DNAH8: variants seen among roughly 807,000 people sequenced by gnomAD.
DNAH8 encodes axonemal beta dynein heavy chain 8.
DNAH8 carries 382 observed loss-of-function variants against 562.1 expected under a neutral mutation model. The observed-to-expected ratio is 0.68, with a 90% CI of 0.63 to 0.74. The LOEUF is 0.74. Ranked by LOEUF, DNAH8 falls within the 30% of genes least tolerant of loss-of-function variation. DNAH8 has a pLI of 0.00. For synonymous variants in DNAH8, 1,881 were observed against 1,919.4 expected (o/e 0.98, Z 0.52); for missense variants, 5,203 against 5,620.4 (o/e 0.93, Z 2.37).
intron 37 of DNAH8, 45 bp downstream of exon 37, chr6:38,848,846 G>A: frequency 6.3e-7 from 1 of 1,584,244 alleles, no homozygotes. Context: ...TTTGGTGTAT[G>A]TTGTCTATAT....
chr6:38,920,238 C>G (rs1781602255), intron 70 of DNAH8, among the ~76,000 whole-genome samples: 1 of 152,106 alleles, frequency 6.6e-6, no homozygotes, highest in African/African-American at 2.4e-5. Context: ...CTCAGCCTCC[C>G]AAACTGCTCC....
intron 81 of DNAH8, among the ~76,000 whole-genome samples, chr6:38,950,104 G>T (rs895368956): frequency 4.6e-5 from 7 of 151,834 alleles, no homozygotes; most frequent in Non-Finnish European, 8.8e-5. Flanking sequence ...GAAGAAAATC[G>T]CCCTCTCTTT....
At position 38,872,923 on chromosome 6, in the gene DNAH8, A is replaced by AT. The variant is rs780369811; in HGVS notation, c.7259dup (p.Leu2420PhefsTer11). 5 of 1,613,488 alleles carry AT rather than the reference A, an allele frequency of 3.1e-6. No homozygotes were observed. Among genetic ancestry groups the AT allele is most frequent in the East Asian group, 2.2e-5 (1 of 44,860 alleles). ...ATTTTCAGGTGAAAACATTTTCCTC[A>AT]TTTTAGATGGTCCTGTGGATGCCAT... On this transcript the variant is annotated frameshift_variant, in exon 51 of 93. Transcript: ENST00000327475. LOFTEE classifies it high-confidence loss of function.
chr6:38,842,379 A>T lies in DNAH8; in HGVS notation c.4478A>T (p.Asn1493Ile), dbSNP rs1432294775. Residue 1493 changes from asparagine to isoleucine, a missense_variant, in exon 34 of 93, where the codon AAC (asparagine) becomes ATC (isoleucine). Coordinates refer to ENST00000327475, the MANE Select transcript of DNAH8 (RefSeq NM_001206927.2). ...ACTTTGTTTCCCAGAAAAGAACTCA[A>T]CTTGCTGCAGAAGCTGTATGGATTG... ...EVLHKTRKEL[N>I]LLQKLYGLYD... The T allele has an allele frequency of 1.2e-6, 2 of 1,602,490 alleles. No homozygotes were observed. The highest frequency in any genetic ancestry group is 1.7e-6 in the Non-Finnish European group (2 of 1,176,222).
chr6:38,883,524 G>A lies in DNAH8; in HGVS notation c.8136+68G>A, dbSNP rs1181264555. 3.5e-6 allele frequency: 5 copies of A among 1,446,242 alleles called. No individual in the cohort carries two copies. In the African/African-American group the frequency reaches 4.3e-5, roughly 12 times the overall value. 89.6% of individuals were successfully genotyped at this position (1,446,242 alleles called of 1,614,324 possible). On this transcript the variant is annotated intron_variant, in intron 55 of 92. Coordinates refer to ENST00000327475, the MANE Select transcript of DNAH8 (RefSeq NM_001206927.2). ...TTTAAATTAGTGGTTACAATAAAAT[G>A]TGTACGCATATAAAATGTGAAAATA...
intron 29 of DNAH8, among the ~76,000 whole-genome samples, chr6:38,827,739 T>A (rs1366730297): frequency 3.7e-5 from 2 of 54,366 alleles, no homozygotes; most frequent in African/African-American, 1.6e-4. Flanking sequence ...CAAACTTTTT[T>A]TTTTTTTTTT....
chr6:38,720,266 A>G (rs747388193), intron 1 of DNAH8, among the ~76,000 whole-genome samples: 5 of 152,332 alleles, frequency 3.3e-5, no homozygotes, highest in Admixed American at 6.5e-5. Context: ...GAGGACAGCC[A>G]GAGATGAAGG....
intron 78 of DNAH8, 69 bp from the exon 79 acceptor site, chr6:38,938,729 C>A (rs1483040530): frequency 9.1e-7 from 1 of 1,104,504 alleles, no homozygotes; most frequent in South Asian, 1.5e-5. Flanking sequence ...CATGTGTACC[C>A]CTGAACTTGA....
chr6:38,996,615 C>A (rs937579535), intron 88 of DNAH8, among the ~76,000 whole-genome samples: 1 of 152,168 alleles, frequency 6.6e-6, no homozygotes. Context: ...GTGGGTAAGT[C>A]CAGGTGTGTG....
Position 38,790,153 on chromosome 6 carries a change from A to G in DNAH8, c.2665-136A>G, listed in dbSNP as rs1407298675. ...CAAAGATGGTTAAAAATAAAAAGTC[A>G]TCTTTATTAGGTGTAATAGAGGGAA... On this transcript the variant is annotated intron_variant, in intron 19 of 92. Coordinates refer to ENST00000327475, the MANE Select transcript of DNAH8 (RefSeq NM_001206927.2). 4 of 702,360 alleles carry G rather than the reference A, an allele frequency of 5.7e-6. No individual in the cohort carries two copies. The Admixed American group carries it at 1.1e-4, about 19-fold the overall frequency. 43.5% of individuals were successfully genotyped at this position (702,360 alleles called of 1,614,324 possible).
intron 5 of DNAH8, 73 bp from the exon 6 acceptor site, chr6:38,736,994 A>G: frequency 1.8e-6 from 2 of 1,103,906 alleles, no homozygotes; most frequent in Non-Finnish European, 2.5e-6. Flanking sequence ...ATTGCAATAT[A>G]AAACAGGTTA....
In DNAH8 at chr6:38,850,592, T is replaced by A. The variant is rs560719903; in HGVS notation, c.5363+178T>A. 8.5e-5 allele frequency among the ~76,000 whole-genome samples: 13 copies of A among 152,312 alleles called. No individual in the cohort carries two copies. The East Asian group carries it at 1.9e-3, about 23-fold the overall frequency. Reference sequence around the variant, plus strand: ...GAAGACACCTTTGACTTGGGGGTGGTTAAGGCATTGTATTAGTTTCGTCAG... The same window carrying A: ...GAAGACACCTTTGACTTGGGGGTGGATAAGGCATTGTATTAGTTTCGTCAG... On this transcript the variant is annotated intron_variant, in intron 38 of 92. Coordinates refer to ENST00000327475, the MANE Select transcript of DNAH8 (RefSeq NM_001206927.2).
chr6:38,853,459 T>C, intron 41 of DNAH8, 112 bp downstream of exon 41: 1 of 1,194,414 alleles, frequency 8.4e-7, no homozygotes, highest in Non-Finnish European at 1.2e-6. Context: ...TTGAATTAGG[T>C]TAGAGTGGCC....
intron 21 of DNAH8, among the ~76,000 whole-genome samples, chr6:38,801,318 TATATG>T (rs2127672856): frequency 6.6e-6 from 1 of 152,340 alleles, no homozygotes; most frequent in East Asian, 1.9e-4. Context: ...ACTTTACTAT[TATATG>T]GTATTGGAAA....
intron 92 of DNAH8, among the ~76,000 whole-genome samples, chr6:39,027,530 T>G (rs1767376575): frequency 6.6e-6 from 1 of 152,250 alleles, no homozygotes; most frequent in African/African-American, 2.4e-5. Context: ...TAATTCAACC[T>G]TATTAAAGGA....
intron 7 of DNAH8, among the ~76,000 whole-genome samples, chr6:38,739,077 C>T (rs1298423293): frequency 6.6e-6 from 1 of 151,676 alleles, no homozygotes; most frequent in Non-Finnish European, 1.5e-5. Flanking sequence ...TTACCTGTAT[C>T]ATTTACCCAT....
chr6:38,766,101 G>A (rs79844969), intron 11 of DNAH8, among the ~76,000 whole-genome samples: 3,433 of 145,360 alleles, frequency 0.024, 114 homozygotes, highest in African/African-American at 0.078. Flanking sequence ...AAGAAAATGG[G>A]GTATATAGGG....
At chr6:39,013,293 A>G (rs1382927031) in intron 91 of DNAH8, among the ~76,000 whole-genome samples, 1 of 152,224 alleles carries the variant, frequency 6.6e-6, no homozygotes, top group Non-Finnish European at 1.5e-5. Context: ...AAAATGAAGA[A>G]ATGTTGAATT....
Position 38,783,157 on chromosome 6 carries a change from A to G in DNAH8, c.2395+18A>G, listed in dbSNP as rs746410161. On this transcript the variant is annotated intron_variant, in intron 17 of 92. Transcript: ENST00000327475. ...GCATTACGGTGTGTATAACACTGCC[A>G]TGAGCCTACAAAGTAGGGATTAGGT... The G allele has an allele frequency of 6.8e-6, 11 of 1,610,586 alleles. No homozygotes were observed. The highest frequency in any genetic ancestry group is 9.3e-6 in the Non-Finnish European group (11 of 1,178,962).
Sources: allele counts gnomAD v4.1 joint callset (sites outside exome capture counted in the v4.1 genomes callset), GRCh38; gene constraint gnomAD v4.1.1; transcripts MANE v1.5; gene names NCBI Gene and HGNC (gene_info 2026-07-23, HGNC 2026-07-21).